The following ANKRD45 variants were observed in gnomAD, a reference collection of about 807,000 sequenced individuals.
ANKRD45 encodes ankyrin repeat domain-containing protein 45.
ANKRD45 carries 21 observed loss-of-function variants against 28.1 expected under a neutral mutation model. The ratio of observed to expected loss-of-function variants is 0.75; its 90% CI spans 0.53 to 1.08. ANKRD45 has a LOEUF of 1.08. Among genes scored for constraint, ANKRD45 ranks in the 50% least tolerant of loss-of-function variants. ANKRD45 has a pLI of 0.00. For synonymous variants in ANKRD45, 86 were observed against 103.9 expected (o/e 0.83, Z 1.05); for missense variants, 261 against 308.7 (o/e 0.85, Z 1.16).
intron 5 of ANKRD45, among the ~76,000 whole-genome samples, chr1:173,617,461 A>G (rs1206348730): frequency 2.0e-5 from 3 of 152,208 alleles, no homozygotes; most frequent in African/African-American, 7.2e-5. Flanking sequence ...GGAGTTCAAG[A>G]AGTCCTGATG....
At chr1:173,668,168 G>A (rs985243123) in intron 1 of ANKRD45, among the ~76,000 whole-genome samples, 6 of 152,180 alleles carry the variant, frequency 3.9e-5, no homozygotes, top group Non-Finnish European at 1.5e-5. Context: ...GTAAAATGGA[G>A]TCCTGAGACA....
At chr1:173,688,374 TCCTC>T in the ANKRD45 span, among the ~76,000 whole-genome samples, 2 of 144,624 alleles carry the variant, frequency 1.4e-5, no homozygotes, top group Non-Finnish European at 3.0e-5. Context: ...CTCTGCCTCT[TCCTC>T]TCTCTCTCTG....
At chr1:173,652,615 T>A (rs1669285386) in intron 2 of ANKRD45, among the ~76,000 whole-genome samples, 3 of 152,212 alleles carry the variant, frequency 2.0e-5, no homozygotes, top group Admixed American at 6.5e-5. Flanking sequence ...CATCATAAAA[T>A]GAGTTAGGGA....
At chr1:173,694,014 T>C in the ANKRD45 span, among the ~76,000 whole-genome samples, 16 of 152,320 alleles carry the variant, frequency 1.1e-4, no homozygotes, top group East Asian at 9.6e-4. Flanking sequence ...TTTCTGCCCA[T>C]TGGCAAATAA....
In ANKRD45 at chr1:173,651,147, T is replaced by G. The variant is rs185855058; in HGVS notation, c.329-4134A>C. Among the ~76,000 whole-genome samples the G allele has an allele frequency of 5.4e-4, 82 of 152,330 alleles. 1 individual carries two copies. Among genetic ancestry groups the G allele is most frequent in the African/African-American group, 1.8e-3 (76 of 41,574 alleles). On this transcript the variant is annotated intron_variant, in intron 2 of 5. Transcript: ENST00000333279. ...TTTTGTTGCCATTGCTTTTGGTGTTTTAGTCATGAAGTCCTTGCCCATGCC... is the reference window on the plus strand; with the variant it reads ...TTTTGTTGCCATTGCTTTTGGTGTTGTAGTCATGAAGTCCTTGCCCATGCC...
the ANKRD45 span, among the ~76,000 whole-genome samples, chr1:173,708,451 G>A: frequency 6.6e-6 from 1 of 152,224 alleles, no homozygotes; most frequent in African/African-American, 2.4e-5. Flanking sequence ...CAACATCTTG[G>A]AAGCAGACAG....
chr1:173,610,510 G>A (rs1667099063), intron 5 of ANKRD45, among the ~76,000 whole-genome samples: 1 of 152,116 alleles, frequency 6.6e-6, no homozygotes, highest in Non-Finnish European at 1.5e-5. Context: ...TTTCTTCACT[G>A]CAAAGTCAGG....
chr1:173,647,161 T>C (rs995512599), intron 2 of ANKRD45, 148 bp from the exon 3 acceptor site: 11 of 679,160 alleles, frequency 1.6e-5, no homozygotes, highest in Non-Finnish European at 2.5e-5. Context: ...AGAAAACTCA[T>C]TTAGTTTTAT....
the ANKRD45 span, among the ~76,000 whole-genome samples, chr1:173,688,967 A>G: frequency 6.6e-6 from 1 of 152,138 alleles, no homozygotes; most frequent in Non-Finnish European, 1.5e-5. Context: ...GTTGGGGGGA[A>G]CAAACAGAGG....
the ANKRD45 span, among the ~76,000 whole-genome samples, chr1:173,705,031 G>A: frequency 6.6e-6 from 1 of 152,176 alleles, no homozygotes; most frequent in South Asian, 2.1e-4. Context: ...GTGATTGAAT[G>A]CAGGCTGTCC....
At chr1:173,678,007 C>T in the ANKRD45 span, among the ~76,000 whole-genome samples, 1 of 152,036 alleles carries the variant, frequency 6.6e-6, no homozygotes, top group African/African-American at 2.4e-5. Context: ...GGAAAAATAA[C>T]TTAACTGAGC....
Position 173,659,219 on chromosome 1 carries a change from A to C in ANKRD45, c.200T>G (p.Met67Arg). ...DPENPHHEQA[M>R]QLLLEEDIVG... is the part of the protein sequence containing the mutation. ...GATGTCTTCTTCTAAGAGAAGCTGCATGGCCTGTTCATGATGAGGATTCTC... is the reference window on the plus strand; with the variant it reads ...GATGTCTTCTTCTAAGAGAAGCTGCCTGGCCTGTTCATGATGAGGATTCTC... The change falls in exon 2 of 6, where the codon ATG becomes AGG. Residue 67 changes from methionine (M) to arginine (R), a missense_variant. Transcript: ENST00000333279. 6.2e-7 allele frequency: 1 copy of C among 1,614,194 alleles called. No homozygotes were observed. The highest frequency in any genetic ancestry group is 1.1e-5 in the South Asian group (1 of 91,082).
chr1:173,692,428 T>C, the ANKRD45 span, among the ~76,000 whole-genome samples: 2 of 152,218 alleles, frequency 1.3e-5, no homozygotes, highest in Admixed American at 1.3e-4. Context: ...TTCTGATTAA[T>C]CTCTCCAAAG....
the ANKRD45 span, among the ~76,000 whole-genome samples, chr1:173,682,594 C>T: frequency 4.0e-5 from 6 of 150,370 alleles, no homozygotes; most frequent in African/African-American, 1.5e-4. Context: ...AAGAATTTAG[C>T]CAACTGAGAA....
At chr1:173,669,443 G>A (rs1670166795) in intron 1 of ANKRD45, 1 of 455,316 alleles carries the variant, frequency 2.2e-6, no homozygotes, top group Admixed American at 2.4e-5. Context: ...CCAGCTCAAG[G>A]AGAAGGACCC....
At chr1:173,660,104 C>G (rs1669715010) in intron 1 of ANKRD45, among the ~76,000 whole-genome samples, 2 of 151,706 alleles carry the variant, frequency 1.3e-5, no homozygotes, top group Non-Finnish European at 2.9e-5. Flanking sequence ...TCACAACAGA[C>G]AGGAAATGTG....
the ANKRD45 span, among the ~76,000 whole-genome samples, chr1:173,703,044 T>C: frequency 6.6e-6 from 1 of 151,792 alleles, no homozygotes; most frequent in East Asian, 1.9e-4. Context: ...TCTTCTTATT[T>C]CATTTTTTTG....
intron 5 of ANKRD45, among the ~76,000 whole-genome samples, chr1:173,611,576 T>TACACACACAC (rs57884253): frequency 3.0e-5 from 4 of 134,006 alleles, no homozygotes; most frequent in Non-Finnish European, 5.0e-5. Context: ...AATACATACA[T>TACACACACAC]ACACACACAC....
chr1:173,668,245 C>T (rs1332217269), intron 1 of ANKRD45, among the ~76,000 whole-genome samples: 1 of 152,158 alleles, frequency 6.6e-6, no homozygotes, highest in Non-Finnish European at 1.5e-5. Context: ...TTGCAGGATG[C>T]TTGCCCTACT....
Sources: gnomAD v4.1 joint callset for allele counts (sites outside exome capture counted in the v4.1 genomes callset) on GRCh38, gnomAD v4.1.1 for gene constraint, MANE v1.5 for transcripts, NCBI Gene and HGNC (gene_info 2026-07-23, HGNC 2026-07-21) for gene names.